SVOPL: variants seen among roughly 807,000 people sequenced by gnomAD.
The protein encoded by SVOPL is putative transporter SVOPL.
In SVOPL, 60 loss-of-function variants were observed where a neutral mutation model predicts 61.0. The observed-to-expected ratio is 0.98, with a 90% CI of 0.80 to 1.22. SVOPL has a LOEUF of 1.22. Ranked by LOEUF, SVOPL falls within the 50% of genes most tolerant of loss-of-function variation. The pLI is 0.00. For synonymous variants in SVOPL, 279 were observed against 250.0 expected, an observed-to-expected ratio of 1.12 and a Z score of -1.09; for missense variants, 662 against 643.9, an observed-to-expected ratio of 1.03 and a Z score of -0.30.
At chr7:138,665,086 C>G (rs1231451959) in intron 4 of SVOPL, among the ~76,000 whole-genome samples, 1 of 8,454 alleles carries the variant, frequency 1.2e-4, no homozygotes. Context: ...TTCCTACCCC[C>G]ACCCCCACGC....
chr7:138,607,766 T>C (rs764941850), intron 14 of SVOPL, among the ~76,000 whole-genome samples: 30 of 152,180 alleles, frequency 2.0e-4, no homozygotes, highest in Non-Finnish European at 1.2e-4. Flanking sequence ...GCTTGGAAGC[T>C]GTGGAACCCG....
chr7:138,630,152 C>G, intron 9 of SVOPL, 30 bp from the exon 10 acceptor site: 1 of 1,546,626 alleles, frequency 6.5e-7, no homozygotes, highest in Non-Finnish European at 8.9e-7. Context: ...ACAGAACATA[C>G]TCAGCAGCTT....
intron 14 of SVOPL, among the ~76,000 whole-genome samples, chr7:138,611,826 C>T (rs1389994886): frequency 1.2e-3 from 49 of 41,606 alleles, no homozygotes; most frequent in South Asian, 7.0e-3. Flanking sequence ...ACCTCCCAGC[C>T]GCCTGCCTTG....
At chr7:138,686,636 G>C (rs920259450) in intron 1 of SVOPL, among the ~76,000 whole-genome samples, 2 of 139,438 alleles carry the variant, frequency 1.4e-5, no homozygotes, top group Admixed American at 7.2e-5. Flanking sequence ...CGTGGTCCTG[G>C]CTCACCGCAA....
chr7:138,656,137 CAA>C (rs1294540524), intron 7 of SVOPL, among the ~76,000 whole-genome samples: 1 of 152,104 alleles, frequency 6.6e-6, no homozygotes, highest in Non-Finnish European at 1.5e-5. Context: ...CTTCTACCAG[CAA>C]AAAGATTATG....
At chr7:138,644,128 G>T (rs1800971972) in intron 9 of SVOPL, among the ~76,000 whole-genome samples, 3 of 147,006 alleles carry the variant, frequency 2.0e-5, no homozygotes, top group Middle Eastern at 3.5e-3. Context: ...TTGAACCCGG[G>T]AGGTAGAGGT....
chr7:138,666,848 C>A (rs1020889353), intron 4 of SVOPL, among the ~76,000 whole-genome samples: 1 of 152,150 alleles, frequency 6.6e-6, no homozygotes, highest in Non-Finnish European at 1.5e-5. Context: ...GCTTTGCCCC[C>A]AAACCTGCCA....
rs1191946513 is a variant in SVOPL at position 138,594,592 on chromosome 7, A to G, written c.*18T>C. On this transcript the variant is annotated 3_prime_UTR_variant, in exon 16 of 16. Transcript: ENST00000674285. ...AGAATTCATTTTTCTCATCTGGTAG[A>G]CATAGCTTTGCAGGTCTTCATTTAA... is the stretch of plus-strand genomic sequence containing the variant. 1 of 1,595,812 alleles carries G rather than the reference A, an allele frequency of 6.3e-7. No individual in the cohort carries two copies. The highest frequency in any genetic ancestry group is 1.8e-5 in the Admixed American group (1 of 56,364).
chr7:138,616,201 G>A (rs1395786655), intron 14 of SVOPL, among the ~76,000 whole-genome samples: 4 of 152,318 alleles, frequency 2.6e-5, no homozygotes, highest in South Asian at 2.1e-4. Flanking sequence ...ACATGCTATA[G>A]CAGCCTGAAC....
At chr7:138,685,531 T>C (rs1397709596) in intron 1 of SVOPL, among the ~76,000 whole-genome samples, 6 of 152,300 alleles carry the variant, frequency 3.9e-5, no homozygotes, top group Admixed American at 2.0e-4. Flanking sequence ...GCATTGAGCC[T>C]ATAGTTAACA....
At chr7:138,599,254 A>G (rs1220575124) in intron 14 of SVOPL, among the ~76,000 whole-genome samples, 1 of 152,182 alleles carries the variant, frequency 6.6e-6, no homozygotes, top group Non-Finnish European at 1.5e-5. Flanking sequence ...ATTTGAAAGA[A>G]TTAACACATA....
rs1299518355 is a variant in SVOPL, at chr7:138,612,102, C to T, written c.1353+8944G>A. Among the ~76,000 whole-genome samples, 2 of 26,610 alleles carry T rather than the reference C, an allele frequency of 7.5e-5. 1 individual carries two copies. The highest frequency in any genetic ancestry group is 1.9e-4 in the African/African-American group (2 of 10,486). The allele number at this position is 26,610 out of a possible 152,430, so 17.5% of individuals were successfully genotyped here. On this transcript the variant is annotated intron_variant, in intron 14 of 15. Coordinates refer to ENST00000674285, the MANE Select transcript of SVOPL (RefSeq NM_001139456.2). ...TGTTGATCTGTGACCTTACCCCCAACCCTGTGCTCTCTGAAACATGTGCTG... is the reference window on the plus strand; with the variant it reads ...TGTTGATCTGTGACCTTACCCCCAATCCTGTGCTCTCTGAAACATGTGCTG...
At chr7:138,656,987 A>C (rs1332399928) in intron 6 of SVOPL, among the ~76,000 whole-genome samples, 2 of 151,870 alleles carry the variant, frequency 1.3e-5, no homozygotes, top group Non-Finnish European at 2.9e-5. Context: ...GGTTGTGGTG[A>C]GCCAATATTG....
chr7:138,635,870 GAAC>G (rs1486871888), intron 9 of SVOPL, among the ~76,000 whole-genome samples: 1 of 151,706 alleles, frequency 6.6e-6, no homozygotes, highest in Non-Finnish European at 1.5e-5. Flanking sequence ...ATACTTCAGA[GAAC>G]AACCACAAAA....
chr7:138,627,580 G>A lies in SVOPL; in HGVS notation c.1070-119C>T, dbSNP rs776383623. On this transcript the variant is annotated intron_variant, in intron 11 of 15. Transcript: ENST00000674285. ...AGAAGCAACTTCATCCAAACCTCACGAGTATTCCAGCCAAAATCCAGTCAC... is the reference window on the plus strand; with the variant it reads ...AGAAGCAACTTCATCCAAACCTCACAAGTATTCCAGCCAAAATCCAGTCAC... 1.5e-4 allele frequency: 105 copies of A among 707,006 alleles called. 1 individual carries two copies. In the South Asian group the frequency reaches 1.5e-3, roughly 10 times the overall value. The allele number at this position is 707,006 out of a possible 1,614,324, so 43.8% of individuals were successfully genotyped here.
intron 1 of SVOPL, among the ~76,000 whole-genome samples, chr7:138,688,707 T>C (rs753956319): frequency 1.3e-5 from 2 of 152,196 alleles, no homozygotes; most frequent in Non-Finnish European, 2.9e-5. Flanking sequence ...TTTAGAATCA[T>C]GTAGCCCCTG....
chr7:138,639,231 G>A (rs1249729702), intron 9 of SVOPL, among the ~76,000 whole-genome samples: 1 of 151,958 alleles, frequency 6.6e-6, no homozygotes, highest in Non-Finnish European at 1.5e-5. Context: ...CTCCAGCCTG[G>A]GCAACAGAGC....
intron 14 of SVOPL, among the ~76,000 whole-genome samples, chr7:138,598,542 A>G (rs75689315): frequency 0.08 from 12,222 of 152,174 alleles, 712 homozygotes; most frequent in African/African-American, 0.16. Context: ...CCCACTTAAC[A>G]TTCACCAAGA....
chr7:138,627,471 A>G lies in SVOPL; in HGVS notation c.1070-10T>C, dbSNP rs2305817. On this transcript the variant is annotated splice_polypyrimidine_tract_variant and intron_variant, in intron 11 of 15. Coordinates refer to ENST00000674285, the MANE Select transcript of SVOPL (RefSeq NM_001139456.2). ...ATATTTAAAGGATTCACTAGAAAGC[A>G]AACAGTAAAGATAATTTCTGGAACC... is the stretch of plus-strand genomic sequence containing the variant. 0.042 allele frequency: 66,930 copies of G among 1,600,606 alleles called. 1,873 individuals carry two copies. The highest frequency in any genetic ancestry group is 0.11 in the Admixed American group (6,667 of 59,946).
Sources: gnomAD v4.1 joint callset for allele counts (sites outside exome capture counted in the v4.1 genomes callset) on GRCh38, gnomAD v4.1.1 for gene constraint, MANE v1.5 for transcripts, NCBI Gene and HGNC (gene_info 2026-07-23, HGNC 2026-07-21) for gene names.